The following EBF1 variants were observed in gnomAD, a reference collection of about 807,000 sequenced individuals.
EBF1 encodes the protein EBF transcription factor 1, also known as transcription factor COE1.
A neutral mutation model predicts 68.4 loss-of-function variants in EBF1; 10 were observed. The observed-to-expected ratio is 0.15, with a 90% CI of 0.09 to 0.25. The LOEUF (loss-of-function observed/expected upper bound fraction) is 0.25. EBF1 is among the 10% of genes least tolerant of loss of function. The pLI, the probability that EBF1 is intolerant of heterozygous loss-of-function variation, is 1.00. For missense variants in EBF1, 509 were observed against 794.4 expected, an observed-to-expected ratio of 0.64 and a Z score of 4.32; for synonymous variants, 298 against 299.8, an observed-to-expected ratio of 0.99 and a Z score of 0.06.
chr5:158,733,368 A>G (rs576193483), intron 10 of EBF1, among the ~76,000 whole-genome samples: 36 of 152,280 alleles, frequency 2.4e-4, no homozygotes, highest in African/African-American at 7.2e-4. Context: ...CACCACTTCA[A>G]TCATTAGCAT....
At chr5:158,714,296 G>A (rs1760134210) in intron 11 of EBF1, 114 bp from the exon 12 acceptor site, 1 of 1,216,770 alleles carries the variant, frequency 8.2e-7, no homozygotes, top group East Asian at 2.3e-5. Flanking sequence ...CTGCTATAAA[G>A]GCCGTAGCTT....
At chr5:158,734,180 A>G (rs1764697962) in intron 10 of EBF1, among the ~76,000 whole-genome samples, 1 of 152,160 alleles carries the variant, frequency 6.6e-6, no homozygotes, top group Non-Finnish European at 1.5e-5. Context: ...TAAACTGCCA[A>G]ATAGTAGTTA....
chr5:158,714,010 C>T, intron 12 of EBF1, 107 bp downstream of exon 12: 1 of 1,161,090 alleles, frequency 8.6e-7, no homozygotes, highest in Non-Finnish European at 1.3e-6. Flanking sequence ...ACTCTTAACT[C>T]ATGCACATGG....
At chr5:158,980,769 T>C (rs972480424) in intron 6 of EBF1, among the ~76,000 whole-genome samples, 1 of 152,184 alleles carries the variant, frequency 6.6e-6, no homozygotes, top group African/African-American at 2.4e-5. Context: ...CCCAGAACAG[T>C]AAAAACAGCA....
intron 5 of EBF1, among the ~76,000 whole-genome samples, chr5:159,084,005 G>C (rs112002398): frequency 3.3e-5 from 5 of 152,284 alleles, no homozygotes; most frequent in South Asian, 2.1e-4. Context: ...GCTTCAGTCT[G>C]ATTACAGGCA....
At chr5:159,095,203 C>A (rs1223762940) in intron 4 of EBF1, among the ~76,000 whole-genome samples, 1 of 152,172 alleles carries the variant, frequency 6.6e-6, no homozygotes, top group African/African-American at 2.4e-5. Flanking sequence ...CCTCTGCCAC[C>A]CCTCCTCCGC....
intron 7 of EBF1, among the ~76,000 whole-genome samples, chr5:158,828,950 G>A (rs536794130): frequency 1.3e-5 from 2 of 152,290 alleles, no homozygotes; most frequent in South Asian, 2.1e-4. Flanking sequence ...TCTATATACT[G>A]TATGATTCCA....
At chr5:158,788,852 A>T (rs1444088138) in intron 9 of EBF1, among the ~76,000 whole-genome samples, 1 of 152,200 alleles carries the variant, frequency 6.6e-6, no homozygotes, top group Non-Finnish European at 1.5e-5. Context: ...TAACTATTTC[A>T]TAATTATCAA....
intron 6 of EBF1, among the ~76,000 whole-genome samples, chr5:158,878,386 A>G (rs914985948): frequency 2.0e-5 from 3 of 152,154 alleles, no homozygotes; most frequent in African/African-American, 4.8e-5. Context: ...TATCTCTTCA[A>G]TTAAGGCACT....
At chr5:158,912,566 A>C (rs539975119) in intron 6 of EBF1, among the ~76,000 whole-genome samples, 1 of 152,286 alleles carries the variant, frequency 6.6e-6, no homozygotes, top group African/African-American at 2.4e-5. Context: ...CCCTTGGTAC[A>C]AGGGCCTGGA....
chr5:158,840,421 A>G (rs1004876815), intron 6 of EBF1, among the ~76,000 whole-genome samples: 12 of 152,192 alleles, frequency 7.9e-5, no homozygotes, highest in Admixed American at 7.2e-4. Context: ...CCAATTGGAT[A>G]TAATTGTCTG....
In EBF1 at chr5:158,989,662, A is replaced by G. The variant is rs552714215; in HGVS notation, c.554+83734T>C. On this transcript the variant is annotated intron_variant, in intron 6 of 15. Transcript: ENST00000313708. ...GTGGCCATGAGGAGAGAGGATCAGC[A>G]GTAATGACTTCAAAACTTTCACTCT... is the stretch of plus-strand genomic sequence containing the variant. Among the ~76,000 whole-genome samples, 9 of 152,334 alleles carry G rather than the reference A, an allele frequency of 5.9e-5. No individual in the cohort carries two copies. In the South Asian group the frequency reaches 1.2e-3, roughly 21 times the overall value.
intron 10 of EBF1, among the ~76,000 whole-genome samples, chr5:158,762,217 A>G (rs572227519): frequency 6.6e-6 from 1 of 152,360 alleles, no homozygotes; most frequent in Admixed American, 6.5e-5. Context: ...ATATAAATGT[A>G]TAAAGCAGCC....
At chr5:159,064,429 T>A (rs1776393228) in intron 6 of EBF1, among the ~76,000 whole-genome samples, 1 of 152,180 alleles carries the variant, frequency 6.6e-6, no homozygotes, top group African/African-American at 2.4e-5. Context: ...TTGTCACCAA[T>A]AAAGTGGATA....
At chr5:159,031,594 G>A (rs1768897212) in intron 6 of EBF1, among the ~76,000 whole-genome samples, 1 of 152,258 alleles carries the variant, frequency 6.6e-6, no homozygotes, top group Admixed American at 6.5e-5. Flanking sequence ...GGCAAAGTCT[G>A]TGGCACAGTC....
chr5:158,905,366 A>G (rs1328923196), intron 6 of EBF1, among the ~76,000 whole-genome samples: 1 of 152,154 alleles, frequency 6.6e-6, no homozygotes, highest in African/African-American at 2.4e-5. Flanking sequence ...GGGAAATTAA[A>G]GGGCCTTGCA....
At chr5:158,879,886 G>T (rs1798544644) in intron 6 of EBF1, among the ~76,000 whole-genome samples, 2 of 152,146 alleles carry the variant, frequency 1.3e-5, no homozygotes, top group African/African-American at 4.8e-5. Flanking sequence ...ACGCCTTTCT[G>T]TGTCTGTCTC....
At chr5:158,708,852 T>C (rs1244804648) in intron 14 of EBF1, among the ~76,000 whole-genome samples, 2 of 152,160 alleles carry the variant, frequency 1.3e-5, no homozygotes, top group African/African-American at 4.8e-5. Flanking sequence ...ATAACCGCCA[T>C]GGGATATACA....
chr5:158,893,097 A>G (rs1278694616), intron 6 of EBF1, among the ~76,000 whole-genome samples: 1 of 152,236 alleles, frequency 6.6e-6, no homozygotes, highest in Non-Finnish European at 1.5e-5. Context: ...TTTCTGAAAT[A>G]GAGAATGCCT....
Sources: allele counts gnomAD v4.1 joint callset (sites outside exome capture counted in the v4.1 genomes callset), GRCh38; gene constraint gnomAD v4.1.1; transcripts MANE v1.5; gene names NCBI Gene and HGNC (gene_info 2026-07-23, HGNC 2026-07-21).